RHBDD1: variants seen among roughly 807,000 people sequenced by gnomAD.
The protein encoded by RHBDD1 is rhomboid domain containing 1, also known as rhomboid-related protein 4.
A neutral mutation model predicts 36.3 loss-of-function variants in RHBDD1; 38 were observed. The observed-to-expected ratio is 1.05, with a 90% CI of 0.81 to 1.37. RHBDD1 has a LOEUF of 1.37. Among genes scored for constraint, RHBDD1 ranks in the 40% most tolerant of loss-of-function variants. The pLI is 0.00. For missense variants in RHBDD1, 393 were observed against 377.6 expected (o/e 1.04, Z -0.34); for synonymous variants, 151 against 136.5 (o/e 1.11, Z -0.74).
chr2:226,957,609 A>G (rs1052613743), intron 8 of RHBDD1, among the ~76,000 whole-genome samples: 2 of 152,078 alleles, frequency 1.3e-5, no homozygotes, highest in Non-Finnish European at 2.9e-5. Context: ...TAGTGAAAAG[A>G]TCATCACAGA....
intron 8 of RHBDD1, among the ~76,000 whole-genome samples, chr2:226,943,246 C>A (rs1950777297): frequency 6.6e-6 from 1 of 152,136 alleles, no homozygotes; most frequent in Admixed American, 6.5e-5. Flanking sequence ...TTAATAGATA[C>A]CTGGCCCAAA....
At chr2:226,968,077 C>T (rs1007140516) in intron 8 of RHBDD1, among the ~76,000 whole-genome samples, 2 of 152,148 alleles carry the variant, frequency 1.3e-5, no homozygotes, top group African/African-American at 4.8e-5. Context: ...TAATTTAATT[C>T]TTGCAGCAAA....
chr2:226,818,476 T>A, the RHBDD1 span, among the ~76,000 whole-genome samples: 8 of 151,254 alleles, frequency 5.3e-5, no homozygotes, highest in African/African-American at 4.8e-5. Context: ...CAGTATTTTT[T>A]AAATTATTTG....
intron 5 of RHBDD1, among the ~76,000 whole-genome samples, chr2:226,901,951 C>T (rs926287116): frequency 2.0e-5 from 3 of 152,082 alleles, no homozygotes; most frequent in African/African-American, 7.2e-5. Context: ...TAGTTACGTA[C>T]TGAGTGCTAG....
chr2:226,855,152 A>G (rs528151620), intron 3 of RHBDD1, among the ~76,000 whole-genome samples: 1 of 152,330 alleles, frequency 6.6e-6, no homozygotes, highest in Admixed American at 6.5e-5. Context: ...TTGTATTTGT[A>G]TTCATCTGGG....
chr2:226,823,875 G>A, the RHBDD1 span, among the ~76,000 whole-genome samples: 2 of 152,120 alleles, frequency 1.3e-5, no homozygotes, highest in Admixed American at 6.5e-5. Context: ...AGATGGGGCT[G>A]AGCTCGATTC....
At chr2:226,866,637 T>C (rs1944371615) in intron 4 of RHBDD1, among the ~76,000 whole-genome samples, 1 of 152,170 alleles carries the variant, frequency 6.6e-6, no homozygotes, top group Non-Finnish European at 1.5e-5. Context: ...GGATTTAAAT[T>C]AGGCGTTCTA....
intron 8 of RHBDD1, among the ~76,000 whole-genome samples, chr2:226,915,224 C>T (rs1017470315): frequency 2.0e-5 from 3 of 152,104 alleles, no homozygotes; most frequent in African/African-American, 7.2e-5. Context: ...CAGATTTTCA[C>T]AGAGGAGATA....
chr2:226,820,210 C>T, the RHBDD1 span, among the ~76,000 whole-genome samples: 1 of 152,154 alleles, frequency 6.6e-6, no homozygotes, highest in South Asian at 2.1e-4. Context: ...ACAGCACACA[C>T]TCAATAAATT....
At position 226,865,068 on chromosome 2, in the gene RHBDD1, T is replaced by G; in HGVS notation, c.375T>G (p.Ala125=). ...TGGTATACCTGCTCTTGCAATTTGC[T>G]GTTGCCGAATTTATGGATGAACCTG... ...TGVVYLLLQF[A]VAEFMDEPDF... is the part of the protein sequence containing the mutation. Residue 125 remains alanine (A), a synonymous_variant, in exon 4 of 9, where the codon GCT becomes GCG. Transcript: ENST00000392062. The G allele has an allele frequency of 6.2e-7, 1 of 1,614,194 alleles. No individual in the cohort carries two copies. Among genetic ancestry groups the G allele is most frequent in the Non-Finnish European group, 8.5e-7 (1 of 1,180,032 alleles).
chr2:226,805,589 C>T, the RHBDD1 span, among the ~76,000 whole-genome samples: 1 of 152,236 alleles, frequency 6.6e-6, no homozygotes. Context: ...GACTTTACAA[C>T]ACCTTTTGCT....
In RHBDD1 at chr2:226,864,760, G is replaced by T. The variant is rs1445368225; in HGVS notation, c.67G>T (p.Gly23Trp). ...ACTCCTTTCTCAAATCTTCCATGTTGGGATCAACAATATTCCACCTGTCAC... is the reference window on the plus strand; with the variant it reads ...ACTCCTTTCTCAAATCTTCCATGTTTGGATCAACAATATTCCACCTGTCAC... ...ILLLSQIFHV[G>W]INNIPPVTLA... Residue 23 changes from glycine to tryptophan, a missense_variant, in exon 4 of 9, where the codon GGG becomes TGG. Coordinates refer to ENST00000392062, the MANE Select transcript of RHBDD1 (RefSeq NM_001167608.3). 1 of 1,614,016 alleles carries T rather than the reference G, an allele frequency of 6.2e-7. No individual in the cohort carries two copies. The highest frequency in any genetic ancestry group is 1.7e-5 in the Admixed American group (1 of 59,996).
At chr2:226,992,480 T>C (rs1958457994) in intron 8 of RHBDD1, among the ~76,000 whole-genome samples, 1 of 152,226 alleles carries the variant, frequency 6.6e-6, no homozygotes, top group East Asian at 1.9e-4. Context: ...AGAGCTGGCA[T>C]GATTACAAAT....
chr2:226,851,624 C>T (rs188302784), intron 3 of RHBDD1, among the ~76,000 whole-genome samples: 18 of 152,212 alleles, frequency 1.2e-4, no homozygotes, highest in African/African-American at 4.3e-4. Flanking sequence ...CCTCGCTCAC[C>T]ACTACCAAGG....
chr2:226,809,661 G>A, the RHBDD1 span, among the ~76,000 whole-genome samples: 1 of 151,898 alleles, frequency 6.6e-6, no homozygotes, highest in South Asian at 2.1e-4. Context: ...CATATTAATA[G>A]GAAAAATTGC....
chr2:226,859,833 T>C (rs1943681624), intron 3 of RHBDD1, among the ~76,000 whole-genome samples: 1 of 152,094 alleles, frequency 6.6e-6, no homozygotes, highest in Non-Finnish European at 1.5e-5. Context: ...GGCTTACTAC[T>C]GGGGAGTCCA....
At chr2:226,914,421 A>G (rs769371076) in intron 8 of RHBDD1, 70 bp downstream of exon 8, 3 of 1,503,864 alleles carry the variant, frequency 2.0e-6, no homozygotes, top group Non-Finnish European at 2.7e-6. Flanking sequence ...AAAAAGAGCT[A>G]TTTGTAGCAA....
At chr2:226,849,612 C>A (rs1942585394) in intron 3 of RHBDD1, among the ~76,000 whole-genome samples, 1 of 152,224 alleles carries the variant, frequency 6.6e-6, no homozygotes, top group African/African-American at 2.4e-5. Context: ...TTTCTCTGGC[C>A]CCGGATGTCC....
At chr2:226,876,234 G>A (rs1196622340) in intron 5 of RHBDD1, among the ~76,000 whole-genome samples, 1 of 152,190 alleles carries the variant, frequency 6.6e-6, no homozygotes, top group Non-Finnish European at 1.5e-5. Flanking sequence ...CAGGAGGCCA[G>A]GAATAGTATA....
Sources: gnomAD v4.1 joint callset for allele counts (sites outside exome capture counted in the v4.1 genomes callset) on GRCh38, gnomAD v4.1.1 for gene constraint, MANE v1.5 for transcripts, NCBI Gene and HGNC (gene_info 2026-07-23, HGNC 2026-07-21) for gene names.